Variants in CNTNAP2 observed in about 807,000 individuals in gnomAD.
CNTNAP2 encodes contactin associated protein 2.
Under a neutral mutation model 155.2 loss-of-function variants are expected in CNTNAP2, and 98 were observed. The ratio of observed to expected loss-of-function variants is 0.63; its 90% CI spans 0.54 to 0.75. CNTNAP2 has a LOEUF of 0.75. Among genes scored for constraint, CNTNAP2 ranks in the 30% least tolerant of loss-of-function variants. CNTNAP2 has a pLI of 0.00. For missense variants in CNTNAP2, 1,727 were observed against 1,688.1 expected (o/e 1.02, Z -0.40); for synonymous variants, 651 against 631.2 (o/e 1.03, Z -0.47).
intron 1 of CNTNAP2, among the ~76,000 whole-genome samples, chr7:146,182,102 A>G (rs1489820645): frequency 6.6e-6 from 1 of 152,128 alleles, no homozygotes. Flanking sequence ...ACAATACTTT[A>G]TTTAATAAAA....
intron 2 of CNTNAP2, among the ~76,000 whole-genome samples, chr7:146,777,869 T>C (rs1216914997): frequency 1.3e-5 from 2 of 150,810 alleles, no homozygotes; most frequent in African/African-American, 5.0e-5. Context: ...TGAAAACATA[T>C]ATGTGGCTAA....
chr7:148,235,440 T>C (rs1193357666), intron 20 of CNTNAP2, among the ~76,000 whole-genome samples: 1 of 152,190 alleles, frequency 6.6e-6, no homozygotes, highest in African/African-American at 2.4e-5. Flanking sequence ...AGATATATTT[T>C]CAGAAAAGGA....
intron 9 of CNTNAP2, among the ~76,000 whole-genome samples, chr7:147,341,090 G>GTATGTA (rs1554471892): frequency 5.7e-5 from 8 of 140,284 alleles, no homozygotes; most frequent in Admixed American, 5.0e-4. Flanking sequence ...GTGTGTGTGT[G>GTATGTA]TATATATATA....
intron 13 of CNTNAP2, among the ~76,000 whole-genome samples, chr7:147,789,108 T>C (rs1427455630): frequency 1.3e-5 from 2 of 151,886 alleles, no homozygotes; most frequent in Non-Finnish European, 2.9e-5. Context: ...GGTTTCACCA[T>C]GTTGGCCAGG....
chr7:148,008,314 G>A (rs1455660049), intron 15 of CNTNAP2, among the ~76,000 whole-genome samples: 2 of 152,198 alleles, frequency 1.3e-5, no homozygotes, highest in Non-Finnish European at 1.5e-5. Context: ...AGAGGTTGCA[G>A]TGAGTGGAGA....
chr7:147,735,501 G>T (rs1468783649), intron 13 of CNTNAP2, among the ~76,000 whole-genome samples: 1 of 152,180 alleles, frequency 6.6e-6, no homozygotes, highest in Non-Finnish European at 1.5e-5. Context: ...ATATTCTGTT[G>T]ATTTGGGGTG....
At chr7:147,670,598 G>T (rs954607933) in intron 13 of CNTNAP2, among the ~76,000 whole-genome samples, 8 of 152,192 alleles carry the variant, frequency 5.3e-5, no homozygotes, top group African/African-American at 1.9e-4. Flanking sequence ...ACTTCAGAGG[G>T]AGAGCTTGAC....
Position 147,447,699 on chromosome 7 carries a change from C to T in CNTNAP2, c.1671-38236C>T, listed in dbSNP as rs375484963. Among the ~76,000 whole-genome samples the T allele has an allele frequency of 5.4e-4, 83 of 152,302 alleles. No homozygotes were observed. The Middle Eastern group carries it at 0.01, about 19-fold the overall frequency. ...GCTCCCAAAGTGCTGGGATTACAGG[C>T]ATGAGCCACTGCACCCAGCCTATTT... On this transcript the variant is annotated intron_variant, in intron 10 of 23. Transcript: ENST00000361727.
chr7:147,904,271 A>G (rs1336137772), intron 14 of CNTNAP2, among the ~76,000 whole-genome samples: 1 of 152,230 alleles, frequency 6.6e-6, no homozygotes, highest in Non-Finnish European at 1.5e-5. Flanking sequence ...TAACTCTGAT[A>G]CAAATCAGTT....
chr7:147,778,888 C>T (rs1797626018), intron 13 of CNTNAP2, among the ~76,000 whole-genome samples: 1 of 152,138 alleles, frequency 6.6e-6, no homozygotes, highest in Non-Finnish European at 1.5e-5. Context: ...AATTTTCTTA[C>T]TGGAACAAAC....
At chr7:148,413,370 C>A (rs1799888489) in intron 23 of CNTNAP2, among the ~76,000 whole-genome samples, 1 of 107,766 alleles carries the variant, frequency 9.3e-6, no homozygotes, top group Non-Finnish European at 1.8e-5. Context: ...CCAGCCTGGG[C>A]AACAAGAGTG....
At chr7:146,521,325 C>G (rs1012977996) in intron 1 of CNTNAP2, among the ~76,000 whole-genome samples, 2 of 151,890 alleles carry the variant, frequency 1.3e-5, no homozygotes, top group African/African-American at 2.4e-5. Context: ...AGGTGGTAGT[C>G]TGAATTTGGT....
At chr7:147,530,078 A>C (rs1406407114) in intron 11 of CNTNAP2, among the ~76,000 whole-genome samples, 1 of 152,158 alleles carries the variant, frequency 6.6e-6, no homozygotes, top group African/African-American at 2.4e-5. Context: ...CTGTTTTCAC[A>C]CTGCTGATAA....
At chr7:147,595,448 A>T (rs376530164) in intron 12 of CNTNAP2, among the ~76,000 whole-genome samples, 16 of 152,344 alleles carry the variant, frequency 1.1e-4, no homozygotes, top group African/African-American at 3.8e-4. Flanking sequence ...TCTATCCAAC[A>T]TGTAACTCAT....
At chr7:146,565,483 C>T (rs2129145032) in intron 1 of CNTNAP2, among the ~76,000 whole-genome samples, 1 of 152,008 alleles carries the variant, frequency 6.6e-6, no homozygotes, top group East Asian at 1.9e-4. Flanking sequence ...TGAAATAGTA[C>T]CACAGTTTCA....
At chr7:146,154,804 G>A (rs1160794855) in intron 1 of CNTNAP2, among the ~76,000 whole-genome samples, 1 of 152,058 alleles carries the variant, frequency 6.6e-6, no homozygotes, top group Non-Finnish European at 1.5e-5. Context: ...CTTTACACCT[G>A]GTAAAAAGCA....
chr7:146,806,635 C>T (rs928770119), intron 2 of CNTNAP2, among the ~76,000 whole-genome samples: 4 of 152,168 alleles, frequency 2.6e-5, no homozygotes, highest in African/African-American at 4.8e-5. Flanking sequence ...TGAGGAACCA[C>T]TTCTCTGGGA....
intron 1 of CNTNAP2, among the ~76,000 whole-genome samples, chr7:146,653,635 G>A (rs566347516): frequency 5.3e-4 from 80 of 152,224 alleles, no homozygotes; most frequent in African/African-American, 1.9e-3. Context: ...TCAATGACTA[G>A]GAAAAATGTT....
At chr7:146,655,306 C>T (rs949663086) in intron 1 of CNTNAP2, among the ~76,000 whole-genome samples, 13 of 145,958 alleles carry the variant, frequency 8.9e-5, no homozygotes, top group African/African-American at 7.6e-5. Flanking sequence ...CCCAGCTACT[C>T]AGAAGGCTGA....
Sources: gnomAD v4.1 joint callset for allele counts (sites outside exome capture counted in the v4.1 genomes callset) on GRCh38, gnomAD v4.1.1 for gene constraint, MANE v1.5 for transcripts, NCBI Gene and HGNC (gene_info 2026-07-23, HGNC 2026-07-21) for gene names.